CTNND1: variants seen among roughly 807,000 people sequenced by gnomAD.
The protein encoded by CTNND1 is catenin delta-1.
In CTNND1, 16 loss-of-function variants were observed where a neutral mutation model predicts 112.1. The ratio of observed to expected loss-of-function variants is 0.14; its 90% CI spans 0.10 to 0.22. CTNND1 has a LOEUF of 0.22. Among genes scored for constraint, CTNND1 ranks in the 10% least tolerant of loss-of-function variants. CTNND1 has a pLI of 1.00. For synonymous variants in CTNND1, 420 were observed against 446.5 expected, an observed-to-expected ratio of 0.94 and a Z score of 0.75; for missense variants, 1,008 against 1,257.0, an observed-to-expected ratio of 0.80 and a Z score of 3.00.
At chr11:57,813,587 T>A (rs2063617283) in intron 17 of CTNND1, among the ~76,000 whole-genome samples, 1 of 152,214 alleles carries the variant, frequency 6.6e-6, no homozygotes, top group Non-Finnish European at 1.5e-5. Flanking sequence ...CACATTACTG[T>A]CAACCTTTAA....
intron 15 of CTNND1, 119 bp downstream of exon 15, chr11:57,809,585 A>G (rs991106573): frequency 3.7e-6 from 3 of 817,712 alleles, no homozygotes; most frequent in South Asian, 1.8e-5. Context: ...GTGAAGAGCT[A>G]TTGCTCTATT....
At chr11:57,775,020 GTT>G (rs776805174) in intron 1 of CTNND1, among the ~76,000 whole-genome samples, 2 of 138,624 alleles carry the variant, frequency 1.4e-5, no homozygotes, top group African/African-American at 2.6e-5. Context: ...GCCTATGAGG[GTT>G]TTTTTTTTTT....
At position 57,794,071 on chromosome 11, in the gene CTNND1, A is replaced by G. The variant is rs76817459; in HGVS notation, c.257A>G (p.Asn86Ser). 1.1e-3 allele frequency: 1,741 copies of G among 1,613,996 alleles called. 4 individuals carry two copies. Among genetic ancestry groups the G allele is most frequent in the Admixed American group, 1.4e-3 (82 of 60,028 alleles). The change falls in exon 4 of 21, where the codon AAC (asparagine) becomes AGC (serine). Residue 86 changes from asparagine to serine, a missense_variant. Asn to Ser is a conservative substitution (Grantham distance 46). Coordinates refer to ENST00000399050, the MANE Select transcript of CTNND1 (RefSeq NM_001085458.2). ...ERQKFSDLKLNGPQDHSHLLY... is the reference protein window; with the variant it reads ...ERQKFSDLKLSGPQDHSHLLY... Reference sequence around the variant, plus strand: ...CAGAAATTTTCAGATTTGAAACTCAACGGACCCCAGGTAATTCTTTGGCTC... The same window carrying G: ...CAGAAATTTTCAGATTTGAAACTCAGCGGACCCCAGGTAATTCTTTGGCTC...
chr11:57,783,574 C>T (rs12273207), intron 1 of CTNND1, among the ~76,000 whole-genome samples: 3,746 of 151,656 alleles, frequency 0.025, 164 homozygotes, highest in African/African-American at 0.086. Flanking sequence ...CAGGAGAATG[C>T]TGTGAACCCG....
At chr11:57,812,790 C>T (rs865990933) in intron 17 of CTNND1, among the ~76,000 whole-genome samples, 4 of 152,076 alleles carry the variant, frequency 2.6e-5, no homozygotes, top group East Asian at 1.9e-4. Context: ...GGATTACATC[C>T]GGCGCTCAGC....
intron 1 of CTNND1, among the ~76,000 whole-genome samples, chr11:57,765,251 C>A (rs1950771898): frequency 6.6e-6 from 1 of 152,040 alleles, no homozygotes; most frequent in Non-Finnish European, 1.5e-5. Context: ...ATCTCTGTAT[C>A]TTTTTAGCAC....
At position 57,791,544 on chromosome 11, in the gene CTNND1, G is replaced by A; in HGVS notation, c.66G>A (p.Gln22=). 1 of 1,609,578 alleles carries A rather than the reference G, an allele frequency of 6.2e-7. No homozygotes were observed. ...CCTCTGTGAAGGAACAAGAGGCCCA[G>A]TTTGAGAAGCTGACCCGGGCGCTGG... ...ILASVKEQEA[Q]FEKLTRALEE... The change falls in exon 3 of 21, where the codon CAG becomes CAA. Residue 22 remains glutamine (Q), a synonymous_variant. Transcript: ENST00000399050.
intron 1 of CTNND1, among the ~76,000 whole-genome samples, chr11:57,783,963 C>T (rs1353890507): frequency 1.3e-5 from 2 of 152,002 alleles, no homozygotes; most frequent in East Asian, 2.0e-4. Flanking sequence ...CTTACTCTGT[C>T]GCCCAGGTGG....
At chr11:57,808,319 A>G in intron 13 of CTNND1, 27 bp downstream of exon 13, 3 of 1,600,902 alleles carry the variant, frequency 1.9e-6, no homozygotes, top group South Asian at 1.1e-5. Flanking sequence ...GGATTTGGAG[A>G]TGGGAAAACT....
intron 15 of CTNND1, 80 bp from the exon 16 acceptor site, chr11:57,810,029 A>G (rs764217822): frequency 1.1e-5 from 11 of 1,008,226 alleles, no homozygotes; most frequent in Non-Finnish European, 1.6e-5. Context: ...TTATATTCTT[A>G]TGTTATTAGA....
At chr11:57,805,539 G>C (rs568132944) in intron 9 of CTNND1, among the ~76,000 whole-genome samples, 1 of 66,294 alleles carries the variant, frequency 1.5e-5, no homozygotes, top group Non-Finnish European at 3.4e-5. Context: ...CACTGTGCCC[G>C]GCTTTTTTTT....
At chr11:57,784,300 T>C (rs1438050010) in intron 1 of CTNND1, among the ~76,000 whole-genome samples, 1 of 150,852 alleles carries the variant, frequency 6.6e-6, no homozygotes, top group East Asian at 2.0e-4. Flanking sequence ...TCCCTGCACT[T>C]TGGGAGGCCA....
At chr11:57,803,543 T>C (rs1045374653) in intron 7 of CTNND1, 78 bp from the exon 8 acceptor site, 15 of 1,132,850 alleles carry the variant, frequency 1.3e-5, no homozygotes, top group African/African-American at 1.2e-4. Context: ...AGTGATACGA[T>C]AGGGGGATTC....
chr11:57,802,003 C>A lies in CTNND1; in HGVS notation c.1227C>A (p.Gly409=). The change falls in exon 7 of 21, where the codon GGC becomes GGA. Residue 409 remains glycine (G), a synonymous_variant. Coordinates refer to ENST00000399050, the MANE Select transcript of CTNND1 (RefSeq NM_001085458.2). ...KVKTDVRKLK[G]IPVLVGLLDH... Reference sequence around the variant, plus strand: ...AGACTGACGTGCGGAAGCTCAAGGGCATCCCAGTACTGGTGGGATTGTTAG... The same window carrying A: ...AGACTGACGTGCGGAAGCTCAAGGGAATCCCAGTACTGGTGGGATTGTTAG... 6.2e-7 allele frequency: 1 copy of A among 1,614,040 alleles called. No individual in the cohort carries two copies. Among genetic ancestry groups the A allele is most frequent in the Non-Finnish European group, 8.5e-7 (1 of 1,179,898 alleles).
At chr11:57,768,477 T>C (rs1174548446) in intron 1 of CTNND1, among the ~76,000 whole-genome samples, 4 of 147,060 alleles carry the variant, frequency 2.7e-5, no homozygotes, top group African/African-American at 7.6e-5. Context: ...CACTGCAAGC[T>C]CTGCCTCCCG....
chr11:57,801,079 G>C (rs1478392687), intron 6 of CTNND1, among the ~76,000 whole-genome samples: 1 of 152,152 alleles, frequency 6.6e-6, no homozygotes, highest in African/African-American at 2.4e-5. Context: ...CATGACCTTG[G>C]AATGACTGTG....
At position 57,816,428 on chromosome 11, in the gene CTNND1, C is replaced by G; in HGVS notation, c.*120C>G. ...GTGCCAACTGCCAGGCTGCCTCCTG[C>G]CCTTACAGCCCTAAGTGGCTGCCTT... On this transcript the variant is annotated 3_prime_UTR_variant, in exon 21 of 21. Coordinates refer to ENST00000399050, the MANE Select transcript of CTNND1 (RefSeq NM_001085458.2). 8.0e-7 allele frequency: 1 copy of G among 1,257,572 alleles called. No individual in the cohort carries two copies. The highest frequency in any genetic ancestry group is 1.2e-6 in the Non-Finnish European group (1 of 868,966). The allele number at this position is 1,257,572 out of a possible 1,614,324, so 77.9% of individuals were successfully genotyped here.
Position 57,797,521 on chromosome 11 carries a change from G to A in CTNND1, c.956+529G>A, listed in dbSNP as rs188511061. On this transcript the variant is annotated intron_variant, in intron 6 of 20. Coordinates refer to ENST00000399050, the MANE Select transcript of CTNND1 (RefSeq NM_001085458.2). ...GCTGGGATTACAGGCGTGAGCCACC[G>A]CGCCTGGTCCACAAGTTGTTTTCTA... Among the ~76,000 whole-genome samples the A allele has an allele frequency of 4.3e-3, 515 of 118,592 alleles. 5 individuals carry two copies. The highest frequency in any genetic ancestry group is 0.015 in the African/African-American group (485 of 32,730). 77.8% of individuals were successfully genotyped at this position (118,592 alleles called of 152,430 possible).
At chr11:57,770,396 T>A (rs1402980443) in intron 1 of CTNND1, among the ~76,000 whole-genome samples, 1 of 151,764 alleles carries the variant, frequency 6.6e-6, no homozygotes, top group Non-Finnish European at 1.5e-5. Flanking sequence ...GGCTCACACC[T>A]GTAATCCTAG....
Sources: allele counts gnomAD v4.1 joint callset (sites outside exome capture counted in the v4.1 genomes callset), GRCh38; gene constraint gnomAD v4.1.1; transcripts MANE v1.5; gene names NCBI Gene and HGNC (gene_info 2026-07-23, HGNC 2026-07-21).